The following ELP5 variants were observed in gnomAD, a reference collection of about 807,000 sequenced individuals.
ELP5 encodes elongator complex protein 5.
Under a neutral mutation model 33.4 loss-of-function variants are expected in ELP5, and 34 were observed. The observed-to-expected ratio is 1.02, with a 90% CI of 0.78 to 1.36. The LOEUF (loss-of-function observed/expected upper bound fraction) is 1.36. ELP5 is among the 40% of genes most tolerant of loss of function. The pLI is 0.00. For missense variants in ELP5, 373 were observed against 371.7 expected, an observed-to-expected ratio of 1.00 and a Z score of -0.03; for synonymous variants, 161 against 146.4, an observed-to-expected ratio of 1.10 and a Z score of -0.72.
intron 4 of ELP5, among the ~76,000 whole-genome samples, chr17:7,255,229 A>C (rs1344185704): frequency 1.3e-5 from 2 of 152,084 alleles, no homozygotes; most frequent in Admixed American, 6.6e-5. Flanking sequence ...GGGCACCTTA[A>C]AGAAGGGCAC....
In ELP5 at chr17:7,256,915, T is replaced by C; in HGVS notation, c.468T>C (p.His156=). The change falls in exon 5 of 8, where the codon CAT becomes CAC. Residue 156 remains histidine, a synonymous_variant. Coordinates refer to ENST00000396628, the MANE Select transcript of ELP5 (RefSeq NM_203414.3). ...SVLGLLHEEL[H]GPGPVGALSS... is the part of the protein sequence containing the mutation. ...TGGGCTTGCTACATGAAGAGCTTCA[T>C]GGACCAGGCCCTGTGGGAGCTCTCA... 1 of 1,614,196 alleles carries C rather than the reference T, an allele frequency of 6.2e-7. No homozygotes were observed. The highest frequency in any genetic ancestry group is 1.6e-4 in the Middle Eastern group (1 of 6,062).
At chr17:7,253,037 C>A in intron 3 of ELP5, 39 bp downstream of exon 3, 1 of 1,592,250 alleles carries the variant, frequency 6.3e-7, no homozygotes, top group East Asian at 2.2e-5. Context: ...AAATTTGAGA[C>A]CTATAATGCT....
chr17:7,252,501 T>TC lies in ELP5; in HGVS notation c.-49dup, dbSNP rs2071958696. ...CACCCCGAGGAGGAAGGACACTGGG[T>TC]CATGACGCCATCAGAGGGCGCCAGA... On this transcript the variant is annotated 5_prime_UTR_variant, in exon 1 of 8. The change abolishes the stop of an existing upstream ORF in the 5' untranslated region. Transcript: ENST00000396628. 2.4e-5 allele frequency: 39 copies of TC among 1,613,336 alleles called. No individual in the cohort carries two copies. Among genetic ancestry groups the TC allele is most frequent in the Non-Finnish European group, 3.3e-5 (39 of 1,179,814 alleles).
At chr17:7,252,020 C>T (rs1416219804), upstream of ELP5, 1 of 196,676 alleles carries the variant, frequency 5.1e-6, no homozygotes, top group Non-Finnish European at 1.1e-5. Context: ...TTTGACACTA[C>T]TTCCGGTGGT....
At chr17:7,256,831 A>G (rs2072085051) in intron 4 of ELP5, 26 bp from the exon 5 acceptor site, 2 of 1,612,976 alleles carry the variant, frequency 1.2e-6, no homozygotes, top group South Asian at 1.1e-5. Flanking sequence ...GCTCCCTACT[A>G]TCCTACATTT....
rs370637688 is a variant in ELP5, at chr17:7,257,041, C to T, written c.591+3C>T. The stretch of plus-strand genomic sequence containing the variant: ...CCCGACAGCGCCCAACTGACCAGGT[C>T]AGAAGAACCAACAGAGAAGGACTGG... On this transcript the variant is annotated splice_donor_region_variant and intron_variant, in intron 5 of 7. Coordinates refer to ENST00000396628, the MANE Select transcript of ELP5 (RefSeq NM_203414.3). 1.2e-4 allele frequency: 187 copies of T among 1,560,740 alleles called. No individual in the cohort carries two copies. The highest frequency in any genetic ancestry group is 9.7e-4 in the South Asian group (82 of 84,966).
At position 7,252,543 on chromosome 17, in the gene ELP5, A is replaced by G. The variant is rs1380999989; in HGVS notation, c.-8A>G. 6.2e-7 allele frequency: 1 copy of G among 1,613,722 alleles called. No homozygotes were observed. Among genetic ancestry groups the G allele is most frequent in the Admixed American group, 1.7e-5 (1 of 60,004 alleles). ...GGCGCCAGAGCAGGGACCGGACGCG[A>G]GTTGGAGATGTTGGACTCGCTGTTG... On this transcript the variant is annotated 5_prime_UTR_variant, in exon 1 of 8. Coordinates refer to ENST00000396628, the MANE Select transcript of ELP5 (RefSeq NM_203414.3).
chr17:7,259,365 TTA>T, intron 7 of ELP5: 1 of 1,409,948 alleles, frequency 7.1e-7, no homozygotes, highest in Non-Finnish European at 9.2e-7. Flanking sequence ...ACTTACGGTT[TTA>T]TTAGGAGAGC....
At chr17:7,257,884 A>G (rs1307527553) in intron 5 of ELP5, among the ~76,000 whole-genome samples, 1 of 152,200 alleles carries the variant, frequency 6.6e-6, no homozygotes, top group Non-Finnish European at 1.5e-5. Context: ...CCTGGCTAAC[A>G]TGGTGAAATC....
chr17:7,257,130 GA>G (rs1331147604), intron 5 of ELP5, 92 bp downstream of exon 5: 2 of 1,378,584 alleles, frequency 1.5e-6, no homozygotes, highest in Non-Finnish European at 1.9e-6. Flanking sequence ...ATGTTTCAAG[GA>G]GACTTTAAAA....
chr17:7,253,023 G>C, intron 3 of ELP5, 25 bp downstream of exon 3: 2 of 1,611,136 alleles, frequency 1.2e-6, no homozygotes, highest in South Asian at 2.2e-5. Flanking sequence ...GAAGAGATTT[G>C]ATTAAATTTG....
intron 4 of ELP5, 117 bp downstream of exon 4, chr17:7,254,920 T>C (rs1283744364): frequency 1.3e-6 from 1 of 748,176 alleles, no homozygotes; most frequent in African/African-American, 2.1e-5. Flanking sequence ...CTTTTTTCAT[T>C]TTTTTGACTT....
chr17:7,258,919 TC>T lies in ELP5; in HGVS notation c.782del (p.Ser261LeufsTer49). The T allele has an allele frequency of 1.9e-6, 3 of 1,614,074 alleles. No homozygotes were observed. Among genetic ancestry groups the T allele is most frequent in the Non-Finnish European group, 2.5e-6 (3 of 1,180,016 alleles). ...CCTGATCCTGCCCTTCCAGTTCAGT[TC>T]TGAAAAGTAAGGTTGGGACCTGGGT... ...DSLILPFQFS[S>X]EKQQALLRPR... On this transcript the variant is annotated frameshift_variant, in exon 7 of 8. Transcript: ENST00000396628. LOFTEE classifies it high-confidence loss of function.
chr17:7,252,722 C>T lies in ELP5; in HGVS notation c.47-48C>T, dbSNP rs138877033. The T allele has an allele frequency of 4.7e-4, 753 of 1,612,942 alleles. 3 individuals carry two copies. In the African/African-American group the frequency reaches 8.9e-3, roughly 19 times the overall value. On this transcript the variant is annotated intron_variant, in intron 1 of 7. Transcript: ENST00000396628. The stretch of plus-strand genomic sequence containing the variant: ...GGAAATCGCGACGGGTTCGCGAAGG[C>T]GGTAATCCCAGCGCTCTCATACCCT...
At position 7,254,655 on chromosome 17, in the gene ELP5, G is replaced by T; in HGVS notation, c.261G>T (p.Pro87=). ...CTGAGGAGGCCTTTCCTGGGGGGCC[G>T]CTGGGAGCCTTGAGAGCCATGTGCA... The part of the protein sequence containing the change: ...SKTEEAFPGG[P]LGALRAMCKR... Residue 87 remains proline, a synonymous_variant, in exon 4 of 8, where the codon CCG becomes CCT. Coordinates refer to ENST00000396628, the MANE Select transcript of ELP5 (RefSeq NM_203414.3). 1 of 1,614,084 alleles carries T rather than the reference G, an allele frequency of 6.2e-7. No individual in the cohort carries two copies. Among genetic ancestry groups the T allele is most frequent in the Non-Finnish European group, 8.5e-7 (1 of 1,180,006 alleles).
chr17:7,255,185 T>C (rs2072049839), intron 4 of ELP5, among the ~76,000 whole-genome samples: 1 of 151,930 alleles, frequency 6.6e-6, no homozygotes. Flanking sequence ...TACAAGATGG[T>C]CTGATAAAGG....
intron 4 of ELP5, 32 bp downstream of exon 4, chr17:7,254,835 AC>A (rs2072038270): frequency 6.4e-7 from 1 of 1,574,730 alleles, no homozygotes; most frequent in Non-Finnish European, 8.7e-7. Context: ...TTCCCCTCAT[AC>A]ATCTCCCTCT....
rs551164314 is a variant in ELP5 at position 7,253,548 on chromosome 17, C to T, written c.188+550C>T. Among the ~76,000 whole-genome samples, 4 of 152,248 alleles carry T rather than the reference C, an allele frequency of 2.6e-5. No homozygotes were observed. In the South Asian group the frequency reaches 8.3e-4, roughly 32 times the overall value. On this transcript the variant is annotated intron_variant, in intron 3 of 7. Coordinates refer to ENST00000396628, the MANE Select transcript of ELP5 (RefSeq NM_203414.3). Reference sequence around the variant, plus strand: ...GGAAGTTCCTAAACCCAGCGGCATGCCTGATCAGGAGACATTAAGAACCAT... The same window carrying T: ...GGAAGTTCCTAAACCCAGCGGCATGTCTGATCAGGAGACATTAAGAACCAT...
Position 7,252,394 on chromosome 17 carries a change from G to A in ELP5, c.-157G>A, listed in dbSNP as rs2071955076. On this transcript the variant is annotated 5_prime_UTR_variant, in exon 1 of 8. Coordinates refer to ENST00000396628, the MANE Select transcript of ELP5 (RefSeq NM_203414.3). ...CGCCCTCCGCGTGAGCGCCCCCCTG[G>A]GAATATTGAACATAATCACCTCTCA... 4.2e-6 allele frequency: 5 copies of A among 1,179,910 alleles called. No individual in the cohort carries two copies. The highest frequency in any genetic ancestry group is 3.0e-5 in the African/African-American group (2 of 66,858). The allele number at this position is 1,179,910 out of a possible 1,614,324, so 73.1% of individuals were successfully genotyped here.
Sources: allele counts gnomAD v4.1 joint callset (sites outside exome capture counted in the v4.1 genomes callset), GRCh38; gene constraint gnomAD v4.1.1; transcripts MANE v1.5; gene names NCBI Gene and HGNC (gene_info 2026-07-23, HGNC 2026-07-21).